The following SDR39U1 variants were observed in gnomAD, a reference collection of about 807,000 sequenced individuals.
SDR39U1 encodes short chain dehydrogenase/reductase family 39U member 1.
A neutral mutation model predicts 31.7 loss-of-function variants in SDR39U1; 29 were observed. The ratio of observed to expected loss-of-function variants is 0.92; its 90% CI spans 0.68 to 1.25. The LOEUF (loss-of-function observed/expected upper bound fraction) is 1.25. Ranked by LOEUF, SDR39U1 falls within the 50% of genes most tolerant of loss-of-function variation. The pLI, the probability that SDR39U1 is intolerant of heterozygous loss-of-function variation, is 0.00. For synonymous variants in SDR39U1, 147 were observed against 159.0 expected (o/e 0.92, Z 0.57); for missense variants, 403 against 378.4 (o/e 1.06, Z -0.54).
intron 1 of SDR39U1, 52 bp from the exon 2 acceptor site, chr14:24,442,504 G>C (rs759336437): frequency 6.6e-7 from 1 of 1,508,332 alleles, no homozygotes; most frequent in South Asian, 1.2e-5. Flanking sequence ...GGGTGGGGGC[G>C]CCTTCCGTCC....
rs534989024 is a variant in SDR39U1 at position 24,440,449 on chromosome 14, C to T, written c.516G>A (p.Leu172=). 22 of 1,610,824 alleles carry T rather than the reference C, an allele frequency of 1.4e-5. No individual in the cohort carries two copies. In the Admixed American group the frequency reaches 3.4e-4, roughly 25 times the overall value. The change falls in exon 6 of 6, where the codon CTG becomes CTA. Residue 172 remains leucine (L), a synonymous_variant. Coordinates refer to ENST00000399395, the MANE Select transcript of SDR39U1 (RefSeq NM_020195.3). ...GRGGGAMGHM[L]LPFRLGLGGP... is the part of the protein sequence containing the mutation. ...CCCCCAGGCCCAGGCGAAAGGGCAG[C>T]AGCATGTGGCCCATGGCACCACCCC... is the stretch of plus-strand genomic sequence containing the variant.
intron 1 of SDR39U1, 44 bp from the exon 2 acceptor site, chr14:24,442,496 G>GT (rs2043379702): frequency 6.5e-7 from 1 of 1,539,932 alleles, no homozygotes; most frequent in African/African-American, 1.4e-5. Flanking sequence ...TGGAGTTGGG[G>GT]TGGGGGCGCC....
rs766837038 is a variant in SDR39U1 at position 24,440,325 on chromosome 14, C to A, written c.640G>T (p.Val214Phe). 3.7e-6 allele frequency: 6 copies of A among 1,613,928 alleles called. No homozygotes were observed. The African/African-American group carries it at 5.3e-5, about 14-fold the overall frequency. Residue 214 changes from valine to phenylalanine, a missense_variant, in exon 6 of 6, where the codon GTC becomes TTC. Val to Phe is a conservative substitution (Grantham distance 50). Transcript: ENST00000399395. ...HALEANHVHG[V>F]LNGVAPSSAT... Reference sequence around the variant, plus strand: ...GAGGATGGAGCCACTCCATTCAGGACCCCGTGCACGTGGTTTGCTTCAAGG... The same window carrying A: ...GAGGATGGAGCCACTCCATTCAGGAACCCGTGCACGTGGTTTGCTTCAAGG...
At position 24,440,912 on chromosome 14, in the gene SDR39U1, T is replaced by C. The variant is rs755393612; in HGVS notation, c.343A>G (p.Ser115Gly). 6.2e-6 allele frequency: 10 copies of C among 1,613,926 alleles called. No individual in the cohort carries two copies. The highest frequency in any genetic ancestry group is 6.8e-6 in the Non-Finnish European group (8 of 1,179,904). The change falls in exon 5 of 6, where the codon AGT (serine) becomes GGT (glycine). Residue 115 changes from serine (S) to glycine (G), a missense_variant. Ser to Gly is a moderately conservative substitution (Grantham distance 56). Transcript: ENST00000399395. ...LVTGVAYYQP[S>G]LTAEYDEDSP... Reference sequence around the variant, plus strand: ...TCTTCATCATACTCCGCAGTCAGACTGGGCTGGTAGTAAGCTGCCGGTGGA... The same window carrying C: ...TCTTCATCATACTCCGCAGTCAGACCGGGCTGGTAGTAAGCTGCCGGTGGA...
chr14:24,442,684 G>C, intron 1 of SDR39U1, 70 bp downstream of exon 1: 1 of 1,591,380 alleles, frequency 6.3e-7, no homozygotes, highest in Non-Finnish European at 8.6e-7. Flanking sequence ...GTGCCCTCCC[G>C]GAAGCGGATT....
chr14:24,442,289 C>A (rs779807211), intron 2 of SDR39U1, 29 bp from the exon 3 acceptor site: 2 of 1,602,144 alleles, frequency 1.2e-6, no homozygotes, highest in South Asian at 1.1e-5. Flanking sequence ...AGTGCCCCTG[C>A]CCCGCCCTGC....
intron 5 of SDR39U1, 42 bp from the exon 6 acceptor site, chr14:24,440,534 T>C (rs892762406): frequency 1.9e-6 from 3 of 1,561,676 alleles, no homozygotes; most frequent in African/African-American, 1.4e-5. Context: ...CCTCTCAGCC[T>C]TGAAGGAGCC....
rs35669030 is a variant in SDR39U1 at position 24,442,243 on chromosome 14, C to G, written c.141G>C (p.Ser47=). Reference sequence around the variant, plus strand: ...CGGCGGCATCGCAGCTCGGCAGCCCCGATGCAGCGAGCTCATCCTGTCGGA... The same window carrying G: ...CGGCGGCATCGCAGCTCGGCAGCCCGGATGCAGCGAGCTCATCCTGTCGGA... ...GRITWDELAA[S]GLPSCDAAVN... The change falls in exon 3 of 6, where the codon TCG becomes TCC. Residue 47 remains serine (S), a synonymous_variant. Transcript: ENST00000399395. 6.0e-3 allele frequency: 9,590 copies of G among 1,610,704 alleles called. 35 individuals carry two copies. The highest frequency in any genetic ancestry group is 7.3e-3 in the Non-Finnish European group (8,629 of 1,178,678).
rs767816208 is a variant in SDR39U1 at position 24,440,417 on chromosome 14, A to T, written c.548T>A (p.Ile183Asn). The T allele has an allele frequency of 3.1e-6, 5 of 1,613,390 alleles. No individual in the cohort carries two copies. In the Admixed American group the frequency reaches 6.7e-5, roughly 22 times the overall value. ...LPFRLGLGGP[I>N]GSGHQFFPWI... ...GGGGAAGAATTGGTGGCCTGAGCCG[A>T]TGGGGCCCCCCAGGCCCAGGCGAAA... Residue 183 changes from isoleucine (I) to asparagine (N), a missense_variant, in exon 6 of 6, where the codon ATC becomes AAC. Ile to Asn is a moderately radical substitution (Grantham distance 149). Transcript: ENST00000399395.
Position 24,440,903 on chromosome 14 carries a change from C to T in SDR39U1, c.352G>A (p.Ala118Thr). 6.2e-7 allele frequency: 1 copy of T among 1,614,044 alleles called. No homozygotes were observed. The change falls in exon 5 of 6, where the codon GCG (alanine) becomes ACG (threonine). Residue 118 changes from alanine (A) to threonine (T), a missense_variant. Transcript: ENST00000399395. ...GVAYYQPSLT[A>T]EYDEDSPGGD... ...CCTGGGCTGTCTTCATCATACTCCG[C>T]AGTCAGACTGGGCTGGTAGTAAGCT... is the stretch of plus-strand genomic sequence containing the variant.
In SDR39U1 at chr14:24,440,044, C is replaced by G. The variant is rs2043272489; in HGVS notation, c.*39G>C. ...CTATTCACAGTGCCTAACCTGGAAG[C>G]CTGTGAGGAACAGGCCTCAGGCCCT... On this transcript the variant is annotated 3_prime_UTR_variant, in exon 6 of 6. Coordinates refer to ENST00000399395, the MANE Select transcript of SDR39U1 (RefSeq NM_020195.3). 1 of 1,527,358 alleles carries G rather than the reference C, an allele frequency of 6.5e-7. No homozygotes were observed. Among genetic ancestry groups the G allele is most frequent in the African/African-American group, 1.4e-5 (1 of 72,756 alleles). The allele number at this position is 1,527,358 out of a possible 1,614,324, so 94.6% of individuals were successfully genotyped here.
rs2043391530 is a variant in SDR39U1, at chr14:24,442,739, T to C, written c.16+15A>G. 1.2e-6 allele frequency: 2 copies of C among 1,613,996 alleles called. No individual in the cohort carries two copies. The highest frequency in any genetic ancestry group is 1.3e-5 in the African/African-American group (1 of 75,054). ...CTAAGCCCGCCCAGCACTCTCCCTT[T>C]CTGCCCTCCCTCACCCACAAGCACA... is the stretch of plus-strand genomic sequence containing the variant. On this transcript the variant is annotated intron_variant, in intron 1 of 5. Coordinates refer to ENST00000399395, the MANE Select transcript of SDR39U1 (RefSeq NM_020195.3).
chr14:24,442,431 C>A lies in SDR39U1; in HGVS notation c.38G>T (p.Gly13Val). ...VLVGGGTGFIGTALTQLLNAR... is the reference protein window; with the variant it reads ...VLVGGGTGFIVTALTQLLNAR... ...ATTCAGCAGCTGGGTTAGGGCTGTCCCAATGAAGCCTGTCCCGCCACCTGA... is the reference window on the plus strand; with the variant it reads ...ATTCAGCAGCTGGGTTAGGGCTGTCACAATGAAGCCTGTCCCGCCACCTGA... Residue 13 changes from glycine (G) to valine (V), a missense_variant, in exon 2 of 6, where the codon GGG becomes GTG. Transcript: ENST00000399395. 6.2e-7 allele frequency: 1 copy of A among 1,608,108 alleles called. No individual in the cohort carries two copies.
Position 24,440,205 on chromosome 14 carries a change from C to T in SDR39U1, c.760G>A (p.Gly254Arg). 6.2e-7 allele frequency: 1 copy of T among 1,613,972 alleles called. No individual in the cohort carries two copies. The highest frequency in any genetic ancestry group is 8.5e-7 in the Non-Finnish European group (1 of 1,179,850). The change falls in exon 6 of 6, where the codon GGG becomes AGG. Residue 254 changes from glycine (G) to arginine (R), a missense_variant. Coordinates refer to ENST00000399395, the MANE Select transcript of SDR39U1 (RefSeq NM_020195.3). ...LPSAVVQAVF[G>R]RQRAIMLLEG... The stretch of plus-strand genomic sequence containing the variant: ...AGCAGCATGATGGCACGCTGTCGCC[C>T]AAAGACAGCTTGCACCACAGCGCTG...
Position 24,441,132 on chromosome 14 carries a change from G to C in SDR39U1, c.329-206C>G. Reference sequence around the variant, plus strand: ...AACTCTGGTTGCAGGGCTAAACTTAGAGGCTGCTAGAGTGTAGTGGTTAAG... The same window carrying C: ...AACTCTGGTTGCAGGGCTAAACTTACAGGCTGCTAGAGTGTAGTGGTTAAG... On this transcript the variant is annotated intron_variant, in intron 4 of 5. Transcript: ENST00000399395. 4.4e-6 allele frequency: 3 copies of C among 683,044 alleles called. No individual in the cohort carries two copies. The South Asian group carries it at 4.5e-5, about 10-fold the overall frequency. The allele number at this position is 683,044 out of a possible 1,614,324, so 42.3% of individuals were successfully genotyped here.
At chr14:24,440,668 G>T in intron 5 of SDR39U1, 115 bp downstream of exon 5, 1 of 1,425,380 alleles carries the variant, frequency 7.0e-7, no homozygotes, top group Non-Finnish European at 9.7e-7. Context: ...AGGTTGGCTA[G>T]AAGTGGTGGC....
Position 24,440,155 on chromosome 14 carries a change from C to G in SDR39U1, c.810G>C (p.Gln270His). Reference protein sequence around the residue: ...MLLEGQKVIPQRTLATGYQYS... With the variant: ...MLLEGQKVIPHRTLATGYQYS... ...ACTGGTAGCCAGTGGCCAGTGTTCG[C>G]TGTGGGATCACCTTCTGGCCCTCCA... The change falls in exon 6 of 6, where the codon CAG becomes CAC. Residue 270 changes from glutamine (Q) to histidine (H), a missense_variant. Physicochemically the swap from Gln to His is conservative, Grantham distance 24 (BLOSUM62 0). Transcript: ENST00000399395. The G allele has an allele frequency of 1.2e-6, 2 of 1,613,728 alleles. No individual in the cohort carries two copies. The highest frequency in any genetic ancestry group is 1.7e-6 in the Non-Finnish European group (2 of 1,179,712).
At chr14:24,441,271 A>G (rs1401118872) in intron 4 of SDR39U1, 28 of 453,296 alleles carry the variant, frequency 6.2e-5, no homozygotes, top group Non-Finnish European at 9.6e-5. Flanking sequence ...CATCTTTAAA[A>G]TGGGAATAAT....
chr14:24,442,314 C>G (rs1157112381), intron 2 of SDR39U1, 32 bp downstream of exon 2: 1 of 1,604,676 alleles, frequency 6.2e-7, no homozygotes, highest in Non-Finnish European at 8.5e-7. Flanking sequence ...CCCAACTCTG[C>G]CCTCCCACCC....
Sources: gnomAD v4.1 joint callset for allele counts on GRCh38, gnomAD v4.1.1 for gene constraint, MANE v1.5 for transcripts, NCBI Gene and HGNC (gene_info 2026-07-23, HGNC 2026-07-21) for gene names.